NOL4: variants seen among roughly 807,000 people sequenced by gnomAD.
NOL4 encodes the protein cancer/testis antigen 125.
Under a neutral mutation model 75.9 loss-of-function variants are expected in NOL4, and 17 were observed. The ratio of observed to expected loss-of-function variants is 0.22; its 90% CI spans 0.15 to 0.34. The LOEUF (loss-of-function observed/expected upper bound fraction) is 0.34. Ranked by LOEUF, NOL4 falls within the 10% of genes least tolerant of loss-of-function variation. The pLI, the probability that NOL4 is intolerant of heterozygous loss-of-function variation, is 1.00. For synonymous variants in NOL4, 292 were observed against 289.9 expected (o/e 1.01, Z -0.07); for missense variants, 614 against 793.5 (o/e 0.77, Z 2.72).
intron 9 of NOL4, among the ~76,000 whole-genome samples, chr18:33,924,925 C>A (rs975172840): frequency 3.3e-5 from 5 of 151,936 alleles, no homozygotes; most frequent in East Asian, 1.9e-4. Context: ...GATAAAGACA[C>A]CCTGGTGGAA....
intron 5 of NOL4, among the ~76,000 whole-genome samples, chr18:34,032,920 A>T (rs576088174): frequency 6.6e-6 from 1 of 152,282 alleles, no homozygotes; most frequent in South Asian, 2.1e-4. Flanking sequence ...ACCCTAAGCC[A>T]CTGGGAAAAT....
At chr18:33,910,184 T>G (rs770477470) in intron 9 of NOL4, among the ~76,000 whole-genome samples, 4 of 152,180 alleles carry the variant, frequency 2.6e-5, no homozygotes, top group Non-Finnish European at 5.9e-5. Context: ...AACATGAAAT[T>G]ACAACACTAT....
At chr18:33,855,202 A>AAAG (rs1260018975) in intron 10 of NOL4, among the ~76,000 whole-genome samples, 3 of 152,062 alleles carry the variant, frequency 2.0e-5, no homozygotes, top group African/African-American at 4.8e-5. Context: ...AAGCTAAAAT[A>AAAG]AAAATATTTG....
chr18:34,192,585 A>C (rs535201093), intron 1 of NOL4, among the ~76,000 whole-genome samples: 1 of 152,332 alleles, frequency 6.6e-6, no homozygotes, highest in South Asian at 2.1e-4. Flanking sequence ...ATTTTTAATA[A>C]AGGTGCCAAG....
chr18:33,867,774 T>C (rs751674051), intron 10 of NOL4, among the ~76,000 whole-genome samples: 4 of 151,870 alleles, frequency 2.6e-5, no homozygotes, highest in Non-Finnish European at 5.9e-5. Flanking sequence ...GAAGGGCCAG[T>C]TGTGTAGTTC....
chr18:34,010,924 T>A (rs887671849), intron 6 of NOL4, among the ~76,000 whole-genome samples: 5 of 151,916 alleles, frequency 3.3e-5, no homozygotes, highest in Admixed American at 3.3e-4. Flanking sequence ...TCTATCAAAT[T>A]CTTTGAGTTT....
intron 5 of NOL4, among the ~76,000 whole-genome samples, chr18:34,046,344 A>T (rs903325489): frequency 4.7e-4 from 72 of 152,050 alleles, no homozygotes; most frequent in African/African-American, 1.6e-3. Context: ...GCAATACCTT[A>T]GAAGAGCAGA....
chr18:33,956,909 T>C (rs1438873294), intron 8 of NOL4, among the ~76,000 whole-genome samples: 3 of 152,164 alleles, frequency 2.0e-5, no homozygotes, highest in East Asian at 3.9e-4. Context: ...ATCTGTTTCC[T>C]TTTGATTTAG....
chr18:34,073,541 T>C (rs959207362), intron 5 of NOL4, among the ~76,000 whole-genome samples: 1 of 152,022 alleles, frequency 6.6e-6, no homozygotes, highest in African/African-American at 2.4e-5. Context: ...TTATATTGTT[T>C]AGGGAATAAT....
intron 4 of NOL4, among the ~76,000 whole-genome samples, chr18:34,094,836 G>A (rs1406256868): frequency 6.6e-6 from 1 of 152,116 alleles, no homozygotes; most frequent in Non-Finnish European, 1.5e-5. Flanking sequence ...AGAAATTGAG[G>A]CACAGAGAAG....
chr18:34,019,967 G>T (rs569484977), intron 5 of NOL4, among the ~76,000 whole-genome samples: 1 of 151,684 alleles, frequency 6.6e-6, no homozygotes, highest in African/African-American at 2.4e-5. Flanking sequence ...TGTTTAAAAA[G>T]AGCCTGGCAC....
chr18:33,953,867 G>A (rs548254774), intron 8 of NOL4, among the ~76,000 whole-genome samples: 6 of 152,176 alleles, frequency 3.9e-5, no homozygotes, highest in Non-Finnish European at 5.9e-5. Context: ...TATACAGTAC[G>A]TGGCTAAACA....
At chr18:33,887,033 A>G in intron 9 of NOL4, among the ~76,000 whole-genome samples, 1 of 140,776 alleles carries the variant, frequency 7.1e-6, no homozygotes, top group South Asian at 2.1e-4. Flanking sequence ...ATATCTAGAT[A>G]TATTATATCT....
At chr18:34,087,018 G>A (rs1568324077) in intron 5 of NOL4, among the ~76,000 whole-genome samples, 1 of 152,132 alleles carries the variant, frequency 6.6e-6, no homozygotes, top group African/African-American at 2.4e-5. Context: ...TGAGCATGAA[G>A]TGCACCAATG....
At chr18:33,922,651 C>T (rs1483366422) in intron 9 of NOL4, among the ~76,000 whole-genome samples, 1 of 152,104 alleles carries the variant, frequency 6.6e-6, no homozygotes, top group African/African-American at 2.4e-5. Context: ...AGCATCTCTT[C>T]ATATTACATA....
At chr18:34,032,754 T>G (rs1009204480) in intron 5 of NOL4, among the ~76,000 whole-genome samples, 1 of 152,062 alleles carries the variant, frequency 6.6e-6, no homozygotes, top group Admixed American at 6.5e-5. Context: ...GGCTCAAGAA[T>G]AGGTTTACCT....
chr18:34,011,421 G>T (rs1306758739), intron 6 of NOL4, among the ~76,000 whole-genome samples: 1 of 151,078 alleles, frequency 6.6e-6, no homozygotes, highest in South Asian at 2.1e-4. Context: ...TCCAAATTTG[G>T]GTCAATATTG....
chr18:34,133,981 C>T (rs1482417460), intron 1 of NOL4, among the ~76,000 whole-genome samples: 1 of 152,118 alleles, frequency 6.6e-6, no homozygotes, highest in Non-Finnish European at 1.5e-5. Flanking sequence ...TGAGATCACG[C>T]CACTGCACTC....
intron 6 of NOL4, among the ~76,000 whole-genome samples, chr18:33,970,725 T>TTGTGTGTGTG (rs34125584): frequency 6.8e-5 from 10 of 146,934 alleles, no homozygotes; most frequent in African/African-American, 2.5e-4. Context: ...TTCAAGCTAT[T>TTGTGTGTGTG]TGTGTGTGTG....
Sources: gnomAD v4.1 joint callset for allele counts (sites outside exome capture counted in the v4.1 genomes callset) on GRCh38, gnomAD v4.1.1 for gene constraint, MANE v1.5 for transcripts, NCBI Gene and HGNC (gene_info 2026-07-23, HGNC 2026-07-21) for gene names.